The following RARB variants were observed in gnomAD, a reference collection of about 807,000 sequenced individuals.
The protein encoded by RARB is retinoic acid receptor beta.
A neutral mutation model predicts 51.9 loss-of-function variants in RARB; 17 were observed. The observed-to-expected ratio is 0.33, with a 90% CI of 0.22 to 0.49. The LOEUF is 0.49. RARB is among the 20% of genes least tolerant of loss of function. RARB has a pLI of 0.99. For synonymous variants in RARB, 215 were observed against 195.4 expected, an observed-to-expected ratio of 1.10 and a Z score of -0.84; for missense variants, 369 against 550.8, an observed-to-expected ratio of 0.67 and a Z score of 3.30.
intron 2 of RARB, among the ~76,000 whole-genome samples, chr3:25,010,495 G>A (rs546179983): frequency 4.6e-5 from 7 of 152,182 alleles, no homozygotes; most frequent in Admixed American, 3.3e-4. Flanking sequence ...ATTTACACCA[G>A]CTTAAATCTG....
At chr3:24,875,431 C>T (rs910835967) in intron 2 of RARB, among the ~76,000 whole-genome samples, 1 of 152,104 alleles carries the variant, frequency 6.6e-6, no homozygotes, top group Non-Finnish European at 1.5e-5. Context: ...TCCTTATGTA[C>T]TTTAGCCTCA....
intron 2 of RARB, among the ~76,000 whole-genome samples, chr3:25,056,246 C>G (rs1023796093): frequency 6.6e-6 from 1 of 151,996 alleles, no homozygotes; most frequent in African/African-American, 2.4e-5. Flanking sequence ...AGAGGCCAAA[C>G]AGATAACCTT....
chr3:25,381,152 G>A (rs1330570021), intron 5 of RARB, among the ~76,000 whole-genome samples: 4 of 152,152 alleles, frequency 2.6e-5, no homozygotes, highest in African/African-American at 9.7e-5. Context: ...GAGAAACTGT[G>A]CTCTGTTATA....
intron 5 of RARB, among the ~76,000 whole-genome samples, chr3:25,384,924 T>A (rs755188610): frequency 6.6e-6 from 1 of 152,186 alleles, no homozygotes. Context: ...ATAATAAAAA[T>A]TTGTATAGGT....
intron 2 of RARB, among the ~76,000 whole-genome samples, chr3:25,028,823 T>C (rs1276793766): frequency 6.6e-6 from 1 of 152,194 alleles, no homozygotes; most frequent in Non-Finnish European, 1.5e-5. Context: ...TGTGGTTGTC[T>C]GGAAAAGCCC....
At chr3:25,377,420 A>G (rs1160265116) in intron 5 of RARB, among the ~76,000 whole-genome samples, 1 of 152,224 alleles carries the variant, frequency 6.6e-6, no homozygotes, top group Admixed American at 6.5e-5. Context: ...CAATGGCAGC[A>G]TTCTTACATG....
At chr3:25,229,380 G>A (rs1702125713) in intron 5 of RARB, among the ~76,000 whole-genome samples, 1 of 151,840 alleles carries the variant, frequency 6.6e-6, no homozygotes, top group Non-Finnish European at 1.5e-5. Context: ...TTTCTAAATT[G>A]AATTTGATAA....
At chr3:24,932,449 T>C (rs1260246537) in intron 2 of RARB, among the ~76,000 whole-genome samples, 2 of 152,072 alleles carry the variant, frequency 1.3e-5, no homozygotes, top group Non-Finnish European at 2.9e-5. Flanking sequence ...GCTAATACTT[T>C]TTAAATCATT....
chr3:25,483,151 G>C (rs549551147), intron 2 of RARB, among the ~76,000 whole-genome samples: 64 of 152,250 alleles, frequency 4.2e-4, no homozygotes, highest in African/African-American at 1.4e-3. Flanking sequence ...ACCCCAAAAT[G>C]TCAAGTGCAA....
At chr3:25,470,629 A>G (rs1695638666) in intron 2 of RARB, among the ~76,000 whole-genome samples, 2 of 152,232 alleles carry the variant, frequency 1.3e-5, no homozygotes, top group Non-Finnish European at 2.9e-5. Flanking sequence ...CCATTCTGTT[A>G]ACATTTATTT....
rs557753832 is a variant in RARB, at chr3:25,370,727, T to C, written c.179-90466T>C. On this transcript the variant is annotated intron_variant, in intron 5 of 11. Transcript: ENST00000383772. The stretch of plus-strand genomic sequence containing the variant: ...TGACAGCTGAAGGACCAGGCGTGTA[T>C]CATGTAGGTTCTTATGTTAATTTCC... Among the ~76,000 whole-genome samples, 17 of 152,250 alleles carry C rather than the reference T, an allele frequency of 1.1e-4. No individual in the cohort carries two copies. In the South Asian group the frequency reaches 3.5e-3, roughly 32 times the overall value.
chr3:24,917,158 GGAA>G (rs1350016754), intron 2 of RARB, among the ~76,000 whole-genome samples: 1 of 151,922 alleles, frequency 6.6e-6, no homozygotes, highest in Non-Finnish European at 1.5e-5. Flanking sequence ...TACCTTAGTG[GGAA>G]CAAATTACTT....
At chr3:25,027,078 A>T (rs1697765114) in intron 2 of RARB, among the ~76,000 whole-genome samples, 1 of 152,236 alleles carries the variant, frequency 6.6e-6, no homozygotes, top group Non-Finnish European at 1.5e-5. Flanking sequence ...AGCCAGTCCT[A>T]GCCTATCACT....
chr3:24,837,970 G>A (rs994429271), intron 1 of RARB, among the ~76,000 whole-genome samples: 1 of 152,154 alleles, frequency 6.6e-6, no homozygotes, highest in Non-Finnish European at 1.5e-5. Flanking sequence ...GGCTTACCAG[G>A]CCAAAAATCA....
intron 3 of RARB, among the ~76,000 whole-genome samples, chr3:25,511,642 A>G (rs1390851790): frequency 6.6e-6 from 1 of 152,082 alleles, no homozygotes; most frequent in African/African-American, 2.4e-5. Context: ...CACTGGTTTT[A>G]TATGTTCTTG....
chr3:25,073,638 T>C (rs1390015598), intron 3 of RARB, among the ~76,000 whole-genome samples: 1 of 152,234 alleles, frequency 6.6e-6, no homozygotes, highest in Non-Finnish European at 1.5e-5. Context: ...CAAAGTACTT[T>C]AGAAAACCAT....
chr3:25,490,413 C>A (rs377273124), intron 2 of RARB, among the ~76,000 whole-genome samples: 34 of 152,264 alleles, frequency 2.2e-4, no homozygotes, highest in African/African-American at 7.2e-4. Context: ...ATGTGCCTTG[C>A]CGTCAACCAG....
At position 25,522,350 on chromosome 3, in the gene RARB, G is replaced by A. The variant is rs62235694; in HGVS notation, c.448+21027G>A. Among the ~76,000 whole-genome samples, 1,382 of 152,236 alleles carry A rather than the reference G, an allele frequency of 9.1e-3. 4 individuals are homozygous for A. The highest frequency in any genetic ancestry group is 0.011 in the Non-Finnish European group (771 of 68,012). On this transcript the variant is annotated intron_variant, in intron 3 of 7. Coordinates refer to ENST00000330688, the MANE Select transcript of RARB (RefSeq NM_000965.5). ...TGGTCTAAACAACCTTTCGGTAGGC[G>A]CAGGGGGCGGGGCACGTTTTACGAG...
chr3:24,837,828 A>T (rs915154385), intron 1 of RARB, among the ~76,000 whole-genome samples: 1 of 152,194 alleles, frequency 6.6e-6, no homozygotes, highest in Admixed American at 6.5e-5. Context: ...GATATTACTC[A>T]TTAGGGTCAC....
Sources: allele counts gnomAD v4.1 joint callset (sites outside exome capture counted in the v4.1 genomes callset), GRCh38; gene constraint gnomAD v4.1.1; transcripts MANE v1.5; gene names NCBI Gene and HGNC (gene_info 2026-07-23, HGNC 2026-07-21).